The following NMNAT3 variants were observed in gnomAD, a reference collection of about 807,000 sequenced individuals.
NMNAT3 encodes the protein nicotinamide nucleotide adenylyltransferase 3.
Under a neutral mutation model 24.8 loss-of-function variants are expected in NMNAT3, and 21 were observed. The ratio of observed to expected loss-of-function variants is 0.85; its 90% confidence interval spans 0.60 to 1.22. NMNAT3 has a LOEUF of 1.22. Among genes scored for constraint, NMNAT3 ranks in the 50% most tolerant of loss-of-function variants. The pLI is 0.00. For synonymous variants in NMNAT3, 136 were observed against 155.2 expected (o/e 0.88, Z 0.92); for missense variants, 387 against 436.6 (o/e 0.89, Z 1.01).
chr3:139,604,508 G>A (rs13319823), intron 3 of NMNAT3, among the ~76,000 whole-genome samples: 1 of 152,150 alleles, frequency 6.6e-6, no homozygotes, highest in Non-Finnish European at 1.5e-5. Context: ...TTTAACTCCT[G>A]TATGAAAGGA....
At chr3:139,612,860 C>A (rs2055294615) in intron 3 of NMNAT3, among the ~76,000 whole-genome samples, 1 of 152,072 alleles carries the variant, frequency 6.6e-6, no homozygotes, top group African/African-American at 2.4e-5. Context: ...CTTTGACAAA[C>A]CTGACAAAAA....
In NMNAT3 at chr3:139,627,623, G is replaced by GT. The variant is rs2056111898; in HGVS notation, c.101dup (p.His34GlnfsTer6). 6.3e-6 allele frequency: 10 copies of GT among 1,584,894 alleles called. No individual in the cohort carries two copies. Among genetic ancestry groups the GT allele is most frequent in the Non-Finnish European group, 8.5e-6 (10 of 1,171,504 alleles). ...CAGGGCCCCCTGACTGACCTGTTTG[G>GT]TGTAGGTGATCTCTGGCCACCTCAA... is the stretch of plus-strand genomic sequence containing the variant. On this transcript the variant is annotated frameshift_variant, in exon 3 of 7. Coordinates refer to ENST00000643695, the MANE Select transcript of NMNAT3 (RefSeq NM_001320510.2). LOFTEE classifies it high-confidence loss of function.
At chr3:139,579,560 C>T (rs1012531761) in intron 4 of NMNAT3, among the ~76,000 whole-genome samples, 1 of 152,106 alleles carries the variant, frequency 6.6e-6, no homozygotes, top group East Asian at 1.9e-4. Flanking sequence ...ATGGACTAGT[C>T]GCACAGGCCA....
chr3:139,639,631 G>T (rs1359745266), intron 1 of NMNAT3, among the ~76,000 whole-genome samples: 1 of 152,142 alleles, frequency 6.6e-6, no homozygotes, highest in Non-Finnish European at 1.5e-5. Flanking sequence ...ATCCTCCTGT[G>T]GGAATTGTAG....
chr3:139,627,841 A>T, intron 2 of NMNAT3, 77 bp from the exon 4 acceptor site: 1 of 537,294 alleles, frequency 1.9e-6, no homozygotes, highest in Non-Finnish European at 3.2e-6. Flanking sequence ...TAAACCACAC[A>T]CAGACCATTA....
intron 6 of NMNAT3, chr3:139,567,048 G>T (rs1350291400): frequency 1.3e-5 from 2 of 151,402 alleles, no homozygotes; most frequent in East Asian, 1.9e-4. Context: ...TTGAGCAGTG[G>T]TTTGTAGTTC....
intron 6 of NMNAT3, chr3:139,569,888 C>T (rs1426932861): frequency 1.3e-5 from 2 of 152,178 alleles, no homozygotes; most frequent in African/African-American, 2.4e-5. Context: ...GAATGTTGGC[C>T]TGCCTTGCTA....
chr3:139,628,880 CA>C (rs2056169818), intron 2 of NMNAT3, among the ~76,000 whole-genome samples: 1 of 152,158 alleles, frequency 6.6e-6, no homozygotes, highest in Non-Finnish European at 1.5e-5. Flanking sequence ...ACGTAAGAAG[CA>C]TTTAATAAAT....
chr3:139,597,435 T>C (rs1467233806), intron 3 of NMNAT3, among the ~76,000 whole-genome samples: 4 of 152,236 alleles, frequency 2.6e-5, no homozygotes, highest in Non-Finnish European at 5.9e-5. Flanking sequence ...TTATGGTATA[T>C]TGTCCTTGAA....
At chr3:139,657,880 G>A (rs772330349) in intron 1 of NMNAT3, among the ~76,000 whole-genome samples, 3 of 151,812 alleles carry the variant, frequency 2.0e-5, no homozygotes, top group East Asian at 1.9e-4. Context: ...GGTGCAATGG[G>A]CATGCTGTGG....
chr3:139,596,932 A>G (rs1391582023), intron 3 of NMNAT3, among the ~76,000 whole-genome samples: 1,424 of 32,376 alleles, frequency 0.044, 72 homozygotes, highest in Non-Finnish European at 0.064. Flanking sequence ...ATATATATAT[A>G]TATATATATA....
chr3:139,595,399 C>T (rs904346248), intron 3 of NMNAT3, among the ~76,000 whole-genome samples: 12 of 152,256 alleles, frequency 7.9e-5, no homozygotes, highest in Middle Eastern at 3.4e-3. Flanking sequence ...AGGTAATTTA[C>T]AGATTCAATG....
At chr3:139,567,588 A>C (rs1285806147) in intron 6 of NMNAT3, 2 of 152,174 alleles carry the variant, frequency 1.3e-5, no homozygotes, top group Non-Finnish European at 2.9e-5. Context: ...GAATTTTGTC[A>C]AAGGCCTTTT....
At chr3:139,617,260 G>A (rs773339612) in intron 3 of NMNAT3, among the ~76,000 whole-genome samples, 1 of 152,166 alleles carries the variant, frequency 6.6e-6, no homozygotes, top group African/African-American at 2.4e-5. Context: ...CAGAACCACA[G>A]AGGCTACTTC....
At chr3:139,665,010 AATG>A (rs1350399018) in intron 1 of NMNAT3, among the ~76,000 whole-genome samples, 2 of 152,150 alleles carry the variant, frequency 1.3e-5, no homozygotes, top group Non-Finnish European at 2.9e-5. Flanking sequence ...GCAATTTTTC[AATG>A]ATATCTTAGT....
chr3:139,630,720 C>A (rs2056261114), intron 2 of NMNAT3, among the ~76,000 whole-genome samples: 1 of 152,160 alleles, frequency 6.6e-6, no homozygotes, highest in Admixed American at 6.5e-5. Context: ...TCCATACTTC[C>A]TTTGAGGCAG....
At chr3:139,564,144 A>C (rs1022547681) in intron 6 of NMNAT3, among the ~76,000 whole-genome samples, 1 of 152,190 alleles carries the variant, frequency 6.6e-6, no homozygotes, top group Non-Finnish European at 1.5e-5. Flanking sequence ...CTTCAGCCAT[A>C]AAATGGGGAT....
chr3:139,644,324 G>C (rs971816552), intron 1 of NMNAT3, among the ~76,000 whole-genome samples: 1 of 152,146 alleles, frequency 6.6e-6, no homozygotes, highest in African/African-American at 2.4e-5. Flanking sequence ...CCTCTTATTT[G>C]CAACACTGCA....
At position 139,675,135 on chromosome 3, in the gene NMNAT3, T is replaced by TACACAC. The variant is rs148834873; in HGVS notation, c.-141+2564_-141+2569dup. ...CTTACCTTCGTATTCCTTTTAAACA[T>TACACAC]ACACACACACACACACACACACACA... On this transcript the variant is annotated intron_variant, in intron 1 of 6. Transcript: ENST00000643695. Among the ~76,000 whole-genome samples the TACACAC allele has an allele frequency of 4.5e-3, 661 of 148,332 alleles. 6 individuals carry two copies. Among genetic ancestry groups the TACACAC allele is most frequent in the South Asian group, 8.9e-3 (41 of 4,582 alleles).
Sources: gnomAD v4.1 joint callset for allele counts (sites outside exome capture counted in the v4.1 genomes callset) on GRCh38, gnomAD v4.1.1 for gene constraint, MANE v1.5 for transcripts, NCBI Gene and HGNC (gene_info 2026-07-23, HGNC 2026-07-21) for gene names.